The following RBBP4 variants were observed in gnomAD, a reference collection of about 807,000 sequenced individuals.
RBBP4 encodes histone-binding protein RBBP4.
Under a neutral mutation model 57.2 loss-of-function variants are expected in RBBP4, and 3 were observed. That is an observed-to-expected ratio of 0.05 (90% confidence interval 0.02 to 0.14). The LOEUF (loss-of-function observed/expected upper bound fraction) is 0.14. Ranked by LOEUF, RBBP4 falls within the 10% of genes least tolerant of loss-of-function variation. The pLI, the probability that RBBP4 is intolerant of heterozygous loss-of-function variation, is 1.00. For missense variants in RBBP4, 107 were observed against 520.6 expected (o/e 0.21, Z 7.73); for synonymous variants, 151 against 171.5 (o/e 0.88, Z 0.93).
rs1247998285 is a variant in RBBP4 at position 32,664,316 on chromosome 1, C to T, written c.311-3909C>T. Among the ~76,000 whole-genome samples, 3 of 152,122 alleles carry T rather than the reference C, an allele frequency of 2.0e-5. No homozygotes were observed. In the East Asian group the frequency reaches 5.8e-4, roughly 29 times the overall value. ...TTTTCTTTATGGTTTAGGAGGCCTA[C>T]GTTTAATATCTACTCAATACTGAAA... On this transcript the variant is annotated intron_variant, in intron 3 of 11. Transcript: ENST00000373493.
At chr1:32,659,353 G>C (rs1648301264) in intron 3 of RBBP4, among the ~76,000 whole-genome samples, 1 of 151,760 alleles carries the variant, frequency 6.6e-6, no homozygotes, top group Admixed American at 6.6e-5. Flanking sequence ...TTGAGGTCAG[G>C]AGTTCAAGAC....
At chr1:32,670,160 C>T (rs951952348) in intron 8 of RBBP4, among the ~76,000 whole-genome samples, 1 of 152,168 alleles carries the variant, frequency 6.6e-6, no homozygotes, top group African/African-American at 2.4e-5. Context: ...AGTTTGAGAC[C>T]AGCCTGGCCA....
Position 32,680,249 on chromosome 1 carries a change from C to T in RBBP4, c.*544C>T. On this transcript the variant is annotated 3_prime_UTR_variant, in exon 12 of 12. Transcript: ENST00000373493. Reference sequence around the variant, plus strand: ...TTCAGTTAAGTCAAAACAACACGTTCCTCTTTCCCCATATATTCATATATT... The same window carrying T: ...TTCAGTTAAGTCAAAACAACACGTTTCTCTTTCCCCATATATTCATATATT... The T allele has an allele frequency of 8.5e-7, 1 of 1,179,966 alleles. No individual in the cohort carries two copies. The highest frequency in any genetic ancestry group is 1.0e-6 in the Non-Finnish European group (1 of 953,230). 73.1% of individuals were successfully genotyped at this position (1,179,966 alleles called of 1,614,324 possible).
At chr1:32,660,718 T>C (rs1477127464) in intron 3 of RBBP4, among the ~76,000 whole-genome samples, 2 of 152,170 alleles carry the variant, frequency 1.3e-5, no homozygotes, top group Admixed American at 1.3e-4. Context: ...TATTGTTGTC[T>C]TCTGGGACTT....
chr1:32,664,225 A>G (rs1163920095), intron 3 of RBBP4, among the ~76,000 whole-genome samples: 1 of 152,168 alleles, frequency 6.6e-6, no homozygotes, highest in Non-Finnish European at 1.5e-5. Context: ...ATAAGTTCTG[A>G]TAACCCAGTA....
In RBBP4 at chr1:32,653,637, G is replaced by GTTTTT. The variant is rs1053666893; in HGVS notation, c.164+1594_164+1598dup. 9.1e-4 allele frequency among the ~76,000 whole-genome samples: 19 copies of GTTTTT among 20,780 alleles called. 1 individual carries two copies. Among genetic ancestry groups the GTTTTT allele is most frequent in the South Asian group, 5.0e-3 (1 of 200 alleles). 13.6% of individuals were successfully genotyped at this position (20,780 alleles called of 152,430 possible). A position where few individuals can be genotyped will look rare whatever the true frequency, so the allele number is the denominator to read the frequency against. ...TGCTTTGTGTGTTTTTTGTTTTCTG[G>GTTTTT]TTTTTTTTTTTTTTTTTTTTTTGTT... On this transcript the variant is annotated intron_variant, in intron 2 of 11. Coordinates refer to ENST00000373493, the MANE Select transcript of RBBP4 (RefSeq NM_005610.3).
chr1:32,654,176 C>T (rs1338333257), intron 2 of RBBP4, among the ~76,000 whole-genome samples: 5 of 152,042 alleles, frequency 3.3e-5, no homozygotes, highest in Non-Finnish European at 5.9e-5. Flanking sequence ...AGTTCCAGAC[C>T]AGCCTGGGCA....
At position 32,680,090 on chromosome 1, in the gene RBBP4, A is replaced by C. The variant is rs1649328059; in HGVS notation, c.*385A>C. On this transcript the variant is annotated 3_prime_UTR_variant, in exon 12 of 12. Coordinates refer to ENST00000373493, the MANE Select transcript of RBBP4 (RefSeq NM_005610.3). ...GGTAGGTGTCTGAGCCATGAAGTATAAATACTGAAAGATGTCACTTTTATT... is the reference window on the plus strand; with the variant it reads ...GGTAGGTGTCTGAGCCATGAAGTATCAATACTGAAAGATGTCACTTTTATT... The C allele has an allele frequency of 1.9e-6, 2 of 1,066,338 alleles. No homozygotes were observed. Among genetic ancestry groups the C allele is most frequent in the Non-Finnish European group, 2.3e-6 (2 of 883,110 alleles). The allele number at this position is 1,066,338 out of a possible 1,614,324, so 66.1% of individuals were successfully genotyped here.
Position 32,680,023 on chromosome 1 carries a change from T to C in RBBP4, c.*318T>C, listed in dbSNP as rs1205377692. 1 of 1,126,066 alleles carries C rather than the reference T, an allele frequency of 8.9e-7. No homozygotes were observed. The highest frequency in any genetic ancestry group is 1.1e-6 in the Non-Finnish European group (1 of 920,292). 69.8% of individuals were successfully genotyped at this position (1,126,066 alleles called of 1,614,324 possible). The stretch of plus-strand genomic sequence containing the variant: ...TATATCCCCAAGTTTTTCAGACTCA[T>C]TTAAGTAAAGGCTAGAGTGAGTAAG... On this transcript the variant is annotated 3_prime_UTR_variant, in exon 12 of 12. Transcript: ENST00000373493.
At chr1:32,651,547 T>A in intron 1 of RBBP4, 3 of 1,186,642 alleles carry the variant, frequency 2.5e-6, no homozygotes, top group Non-Finnish European at 3.3e-6. Flanking sequence ...CCGGCCAGTG[T>A]TTGTTTCTCT....
In RBBP4 at chr1:32,664,270, G is replaced by T. The variant is rs1008411364; in HGVS notation, c.311-3955G>T. Reference sequence around the variant, plus strand: ...CGGCCCAATTTTCAATTTTGAATACGCTAAGTTCTTACTACTGTGGTTTTC... The same window carrying T: ...CGGCCCAATTTTCAATTTTGAATACTCTAAGTTCTTACTACTGTGGTTTTC... On this transcript the variant is annotated intron_variant, in intron 3 of 11. Transcript: ENST00000373493. Among the ~76,000 whole-genome samples, 4 of 152,100 alleles carry T rather than the reference G, an allele frequency of 2.6e-5. No individual in the cohort carries two copies. In the East Asian group the frequency reaches 7.7e-4, roughly 29 times the overall value.
chr1:32,679,765 A>T lies in RBBP4; in HGVS notation c.*60A>T, dbSNP rs1440788756. 5 of 1,603,096 alleles carry T rather than the reference A, an allele frequency of 3.1e-6. No individual in the cohort carries two copies. Among genetic ancestry groups the T allele is most frequent in the South Asian group, 2.2e-5 (2 of 89,244 alleles). ...TTTTTTCTTCTCAACCCTGAGAGTG[A>T]TTTAACACTGGTTTTGAGACAGACT... On this transcript the variant is annotated 3_prime_UTR_variant, in exon 12 of 12. Transcript: ENST00000373493.
rs996877054 is a variant in RBBP4 at position 32,651,685 on chromosome 1, A to G, written c.17-229A>G. On this transcript the variant is annotated intron_variant, in intron 1 of 11. Coordinates refer to ENST00000373493, the MANE Select transcript of RBBP4 (RefSeq NM_005610.3). ...TTTCGGCGCGCACGAGCGTGCTCCG[A>G]AGGCCTGGCTGGCCCCTTGGCCTGG... 3.0e-4 allele frequency: 229 copies of G among 751,990 alleles called. 1 individual carries two copies. Among genetic ancestry groups the G allele is most frequent in the Admixed American group, 5.5e-4 (18 of 32,830 alleles). 46.6% of individuals were successfully genotyped at this position (751,990 alleles called of 1,614,324 possible).
At chr1:32,672,009 T>C (rs970919061) in intron 8 of RBBP4, among the ~76,000 whole-genome samples, 1 of 151,932 alleles carries the variant, frequency 6.6e-6, no homozygotes, top group African/African-American at 2.4e-5. Context: ...TTTTTCTTTT[T>C]GTTTGTTTTT....
intron 11 of RBBP4, among the ~76,000 whole-genome samples, chr1:32,676,533 C>G (rs957642198): frequency 1.3e-5 from 2 of 151,354 alleles, no homozygotes; most frequent in African/African-American, 4.9e-5. Context: ...TTGTTTGAAC[C>G]CAGGAGGCGG....
At position 32,684,683 on chromosome 1, in the gene RBBP4, G is replaced by T; in HGVS notation, c.*4978G>T. The T allele has an allele frequency of 3.5e-6, 1 of 289,550 alleles. No homozygotes were observed. The highest frequency in any genetic ancestry group is 6.6e-6 in the Non-Finnish European group (1 of 151,566). The allele number at this position is 289,550 out of a possible 1,614,324, so 17.9% of individuals were successfully genotyped here. A position where few individuals can be genotyped will look rare whatever the true frequency, so the allele number is the denominator to read the frequency against. On this transcript the variant is annotated 3_prime_UTR_variant, in exon 12 of 12. Coordinates refer to ENST00000373493, the MANE Select transcript of RBBP4 (RefSeq NM_005610.3). ...ATTACAACCTTAGTGTCATTGAGGAGGATTTTGGTCTAGTTAGTGGGCTGA... is the reference window on the plus strand; with the variant it reads ...ATTACAACCTTAGTGTCATTGAGGATGATTTTGGTCTAGTTAGTGGGCTGA...
intron 3 of RBBP4, among the ~76,000 whole-genome samples, chr1:32,664,684 C>T (rs1418936520): frequency 1.3e-5 from 2 of 152,072 alleles, no homozygotes; most frequent in Non-Finnish European, 2.9e-5. Flanking sequence ...AACTCCTGAC[C>T]TTGTGATCCA....
At chr1:32,678,632 C>G (rs1348891892) in intron 11 of RBBP4, among the ~76,000 whole-genome samples, 2 of 113,074 alleles carry the variant, frequency 1.8e-5, no homozygotes, top group Non-Finnish European at 3.3e-5. Context: ...CTTTGCCACC[C>G]AGGCTGGAGT....
chr1:32,667,791 A>G lies in RBBP4; in HGVS notation c.311-434A>G, dbSNP rs1479973617. On this transcript the variant is annotated intron_variant, in intron 3 of 11. Transcript: ENST00000373493. Reference sequence around the variant, plus strand: ...GCTGAAGTCTCTGATACAGCATGGCATAATGTTTACACATAACCTATGCAG... The same window carrying G: ...GCTGAAGTCTCTGATACAGCATGGCGTAATGTTTACACATAACCTATGCAG... Among the ~76,000 whole-genome samples, 2 of 152,234 alleles carry G rather than the reference A, an allele frequency of 1.3e-5. 1 individual carries two copies. Among genetic ancestry groups the G allele is most frequent in the Non-Finnish European group, 2.9e-5 (2 of 68,050 alleles).
Sources: allele counts gnomAD v4.1 joint callset (sites outside exome capture counted in the v4.1 genomes callset), GRCh38; gene constraint gnomAD v4.1.1; transcripts MANE v1.5; gene names NCBI Gene and HGNC (gene_info 2026-07-23, HGNC 2026-07-21).